Variants in BCAS3 observed in about 807,000 individuals in gnomAD.
BCAS3 encodes BCAS3 microtubule associated cell migration factor.
In BCAS3, 53 loss-of-function variants were observed where a neutral mutation model predicts 116.1. That is an observed-to-expected ratio of 0.46 (90% CI 0.37 to 0.57). BCAS3 has a LOEUF of 0.57. BCAS3 is among the 20% of genes least tolerant of loss of function. The probability of loss-of-function intolerance (pLI) is 0.00; values close to 1 mark genes in which losing one functional copy is unlikely to be tolerated. For missense variants in BCAS3, 917 were observed against 1,165.4 expected (o/e 0.79, Z 3.10); for synonymous variants, 391 against 408.2 (o/e 0.96, Z 0.51).
At chr17:60,861,162 T>C (rs986291923) in intron 7 of BCAS3, among the ~76,000 whole-genome samples, 2 of 152,224 alleles carry the variant, frequency 1.3e-5, no homozygotes, top group Non-Finnish European at 2.9e-5. Flanking sequence ...CATCTCTGAC[T>C]TTTTTCAGCA....
chr17:60,859,776 C>T (rs1567729479), intron 7 of BCAS3, among the ~76,000 whole-genome samples: 1 of 152,000 alleles, frequency 6.6e-6, no homozygotes, highest in Non-Finnish European at 1.5e-5. Flanking sequence ...ACCATGTTGG[C>T]CAAGCTGGTC....
intron 13 of BCAS3, among the ~76,000 whole-genome samples, chr17:60,938,621 C>T (rs985277009): frequency 6.6e-6 from 1 of 152,016 alleles, no homozygotes; most frequent in Non-Finnish European, 1.5e-5. Context: ...AACACCCAAA[C>T]CACAAAATCT....
rs534236157 is a variant in BCAS3 at position 61,265,536 on chromosome 17, A to G, written c.2426-102791A>G. On this transcript the variant is annotated intron_variant, in intron 22 of 23. Transcript: ENST00000407086. This position sits in a 1 kb window ranked among gnomAD's most constrained non-coding sequence, Gnocchi z 4.3. ...CTCCCTTGGAAAATACTCTAGACCA[A>G]ATTTCTGCTTCTGTGGGCCTGGTTT... Among the ~76,000 whole-genome samples the G allele has an allele frequency of 2.6e-5, 4 of 152,278 alleles. No homozygotes were observed. In the South Asian group the frequency reaches 8.3e-4, roughly 32 times the overall value.
At chr17:61,334,441 C>T (rs371774580) in intron 22 of BCAS3, among the ~76,000 whole-genome samples, 2 of 152,162 alleles carry the variant, frequency 1.3e-5, no homozygotes, top group African/African-American at 4.8e-5. Flanking sequence ...CCAAGACAGA[C>T]GAATCACCTG....
At chr17:61,266,972 C>T (rs2049778330) in intron 22 of BCAS3, among the ~76,000 whole-genome samples, 1 of 152,230 alleles carries the variant, frequency 6.6e-6, no homozygotes, top group African/African-American at 2.4e-5. Context: ...TCCATACTTT[C>T]TTTATAGCAC....
chr17:61,292,068 CCAGCATGA>C (rs1327665218), intron 22 of BCAS3, among the ~76,000 whole-genome samples: 1 of 152,074 alleles, frequency 6.6e-6, no homozygotes, highest in East Asian at 1.9e-4. Context: ...GAGGCAGCTG[CCAGCATGA>C]CTTTGAAAAC....
In BCAS3 at chr17:60,799,733, T is replaced by G. The variant is rs1301251009; in HGVS notation, c.404-8271T>G. 4.9e-5 allele frequency among the ~76,000 whole-genome samples: 7 copies of G among 141,840 alleles called. No homozygotes were observed. In the East Asian group the frequency reaches 6.0e-4, roughly 12 times the overall value. The allele number at this position is 141,840 out of a possible 152,430, so 93.1% of individuals were successfully genotyped here. A position where few individuals can be genotyped will look rare whatever the true frequency, so the allele number is the denominator to read the frequency against. On this transcript the variant is annotated intron_variant, in intron 6 of 23. Coordinates refer to ENST00000407086, the MANE Select transcript of BCAS3 (RefSeq NM_017679.5). Reference sequence around the variant, plus strand: ...CTTTTTTTTTTTTTTTTTTTTTTTTTTTAGTAGAACTGGGGTTTCACCATG... The same window carrying G: ...CTTTTTTTTTTTTTTTTTTTTTTTTGTTAGTAGAACTGGGGTTTCACCATG...
In BCAS3 at chr17:61,067,317, T is replaced by TA. The variant is rs2070778205; in HGVS notation, c.2030-7603_2030-7602insA. Among the ~76,000 whole-genome samples the TA allele has an allele frequency of 1.9e-3, 112 of 59,624 alleles. 1 individual carries two copies. Among genetic ancestry groups the TA allele is most frequent in the African/African-American group, 3.8e-3 (63 of 16,474 alleles). 39.1% of individuals were successfully genotyped at this position (59,624 alleles called of 152,430 possible). The stretch of plus-strand genomic sequence containing the variant: ...TATATATATATATATATATATATAT[T>TA]TATACAGACTTGGCAGTATTTTTGG... On this transcript the variant is annotated intron_variant, in intron 19 of 23. Transcript: ENST00000407086.
chr17:60,898,690 C>G (rs555716016), intron 10 of BCAS3, among the ~76,000 whole-genome samples: 54 of 152,242 alleles, frequency 3.5e-4, no homozygotes, highest in African/African-American at 1.3e-3. Flanking sequence ...TTCCAGGTAG[C>G]TTGCTTGGAT....
At chr17:60,989,810 T>A (rs1367478690) in intron 14 of BCAS3, among the ~76,000 whole-genome samples, 161 bp from the exon 15 acceptor site, 1 of 152,218 alleles carries the variant, frequency 6.6e-6, no homozygotes, top group Non-Finnish European at 1.5e-5. Context: ...CAACAGTCAT[T>A]GTGAAATGCA....
At chr17:61,299,548 G>A (rs1027148938) in intron 22 of BCAS3, among the ~76,000 whole-genome samples, 2 of 151,672 alleles carry the variant, frequency 1.3e-5, no homozygotes, top group African/African-American at 4.8e-5. Context: ...CCATTTCATA[G>A]CATTCTTTAG....
At chr17:60,843,019 A>G (rs1006296654) in intron 7 of BCAS3, among the ~76,000 whole-genome samples, 1 of 151,844 alleles carries the variant, frequency 6.6e-6, no homozygotes, top group African/African-American at 2.4e-5. Flanking sequence ...ATGTAGGTGT[A>G]CAACACCACA....
intron 19 of BCAS3, among the ~76,000 whole-genome samples, chr17:61,042,912 AAAAGAAAGAAAG>A (rs1167730606): frequency 2.1e-5 from 3 of 143,702 alleles, no homozygotes; most frequent in African/African-American, 8.0e-5. Flanking sequence ...AAAAAAAAAA[AAAAGAAAGAAAG>A]AAAGATCACT....
rs890713361 is a variant in BCAS3, at chr17:61,020,959, A to G, written c.1637+5058A>G. Among the ~76,000 whole-genome samples the G allele has an allele frequency of 2.0e-5, 3 of 152,328 alleles. No individual in the cohort carries two copies. The highest frequency in any genetic ancestry group is 4.4e-5 in the Non-Finnish European group (3 of 68,018). On this transcript the variant is annotated intron_variant, in intron 16 of 23. Transcript: ENST00000407086. The surrounding 1 kb of genome is among the most constrained non-coding windows in gnomAD (Gnocchi z 4.5). ...GTGGAGCACTTTTTGTGAAGTAAAC[A>G]TGGGATGATTTGCTCTCTCGTAGGT...
intron 22 of BCAS3, among the ~76,000 whole-genome samples, chr17:61,195,283 G>T (rs2080408990): frequency 6.6e-6 from 1 of 152,164 alleles, no homozygotes; most frequent in Non-Finnish European, 1.5e-5. Flanking sequence ...TGGTTGTCCA[G>T]GATAAATCAT....
Position 61,020,724 on chromosome 17 carries a change from A to T in BCAS3, c.1637+4823A>T, listed in dbSNP as rs1353273414. Among the ~76,000 whole-genome samples the T allele has an allele frequency of 6.6e-6, 1 of 152,186 alleles. No individual in the cohort carries two copies. Among genetic ancestry groups the T allele is most frequent in the Non-Finnish European group, 1.5e-5 (1 of 68,014 alleles). ...ATTATCAAGTGAGTGATCAAGTTTT[A>T]AAAAATATTTTCTATGTAACAATTC... On this transcript the variant is annotated intron_variant, in intron 16 of 23. Coordinates refer to ENST00000407086, the MANE Select transcript of BCAS3 (RefSeq NM_017679.5). This position sits in a 1 kb window ranked among gnomAD's most constrained non-coding sequence, Gnocchi z 4.5.
Position 61,078,501 on chromosome 17 carries a change from A to G in BCAS3, c.2299A>G (p.Thr767Ala). The change falls in exon 21 of 24, where the codon ACA becomes GCA. Residue 767 changes from threonine to alanine, a missense_variant. Physicochemically the swap from Thr to Ala is moderately conservative, Grantham distance 58. Coordinates refer to ENST00000407086, the MANE Select transcript of BCAS3 (RefSeq NM_017679.5). ...DTPQPLLDFD[T>A]DDLDLNSLRI... ...GCCACAGCCTCTTTTGGATTTTGAT[A>G]CAGATGATCTTGATCTCAACAGTCT... 1 of 1,614,106 alleles carries G rather than the reference A, an allele frequency of 6.2e-7. No homozygotes were observed. Among genetic ancestry groups the G allele is most frequent in the South Asian group, 1.1e-5 (1 of 91,064 alleles).
At chr17:61,304,354 G>T (rs2053670560) in intron 22 of BCAS3, among the ~76,000 whole-genome samples, 1 of 152,190 alleles carries the variant, frequency 6.6e-6, no homozygotes, top group African/African-American at 2.4e-5. Flanking sequence ...CCTTTCCTTG[G>T]TCAGGCTTCT....
chr17:60,815,468 G>C (rs1173097395), intron 7 of BCAS3, among the ~76,000 whole-genome samples: 1 of 151,666 alleles, frequency 6.6e-6, no homozygotes. Context: ...AAAAAAAAAA[G>C]TCCAGTGCCA....
Sources: gnomAD v4.1 joint callset for allele counts (sites outside exome capture counted in the v4.1 genomes callset) on GRCh38, gnomAD v4.1.1 for gene constraint, Gnocchi (gnomAD v3.1) non-coding constraint, MANE v1.5 for transcripts, NCBI Gene and HGNC (gene_info 2026-07-23, HGNC 2026-07-21) for gene names.